The following MDGA2 variants were observed in gnomAD, a reference collection of about 807,000 sequenced individuals.
The protein encoded by MDGA2 is MAM domain-containing glycosylphosphatidylinositol anchor protein 2.
A neutral mutation model predicts 117.8 loss-of-function variants in MDGA2; 40 were observed. The ratio of observed to expected loss-of-function variants is 0.34; its 90% CI spans 0.26 to 0.44. The LOEUF is 0.44. Among genes scored for constraint, MDGA2 ranks in the 20% least tolerant of loss-of-function variants. The pLI, the probability that MDGA2 is intolerant of heterozygous loss-of-function variation, is 1.00. For missense variants in MDGA2, 1,123 were observed against 1,250.6 expected, an observed-to-expected ratio of 0.90 and a Z score of 1.54; for synonymous variants, 452 against 439.0, an observed-to-expected ratio of 1.03 and a Z score of -0.37.
At chr14:47,302,675 GA>G (rs1889321754) in intron 1 of MDGA2, among the ~76,000 whole-genome samples, 1 of 151,818 alleles carries the variant, frequency 6.6e-6, no homozygotes, top group South Asian at 2.1e-4. Context: ...TTCTATGGAA[GA>G]AAAAAAGATT....
rs201902204 is a variant in MDGA2 at position 47,127,864 on chromosome 14, A to T, written c.925+3850T>A. 2.0e-5 allele frequency among the ~76,000 whole-genome samples: 3 copies of T among 152,198 alleles called. No homozygotes were observed. In the East Asian group the frequency reaches 5.8e-4, roughly 29 times the overall value. On this transcript the variant is annotated intron_variant, in intron 5 of 16. Coordinates refer to ENST00000399232, the MANE Select transcript of MDGA2 (RefSeq NM_001113498.3). ...TACTTTAAAAGATCTCAGGAATTCT[A>T]TCACTTTTCCTGGTAATCTTCCCCT...
intron 1 of MDGA2, among the ~76,000 whole-genome samples, chr14:47,480,903 C>T (rs1017101125): frequency 1.3e-5 from 2 of 151,728 alleles, no homozygotes; most frequent in Non-Finnish European, 2.9e-5. Context: ...GGGAGAAGCA[C>T]CCTGGAGAAT....
At chr14:47,462,396 A>G (rs1893509747) in intron 1 of MDGA2, among the ~76,000 whole-genome samples, 1 of 151,302 alleles carries the variant, frequency 6.6e-6, no homozygotes, top group Non-Finnish European at 1.5e-5. Context: ...AAAAAAAGAA[A>G]GAAAAAAAAG....
chr14:47,371,539 A>C (rs1484479779), intron 1 of MDGA2, among the ~76,000 whole-genome samples: 2 of 151,830 alleles, frequency 1.3e-5, no homozygotes, highest in African/African-American at 4.8e-5. Context: ...GAAGCACAGA[A>C]CCAGTTAAAT....
At chr14:47,388,645 C>T (rs1891814506) in intron 1 of MDGA2, among the ~76,000 whole-genome samples, 1 of 152,138 alleles carries the variant, frequency 6.6e-6, no homozygotes, top group African/African-American at 2.4e-5. Flanking sequence ...CAAGTAGCAT[C>T]TTGAACAGAT....
chr14:47,625,851 TCTTAAC>T (rs1897130003), intron 1 of MDGA2, among the ~76,000 whole-genome samples: 1 of 152,208 alleles, frequency 6.6e-6, no homozygotes, highest in African/African-American at 2.4e-5. Flanking sequence ...AAGGAAAAAT[TCTTAAC>T]CTTAATCTCA....
intron 6 of MDGA2, among the ~76,000 whole-genome samples, chr14:47,069,901 T>C (rs1393706641): frequency 2.6e-5 from 4 of 152,218 alleles, no homozygotes; most frequent in Non-Finnish European, 5.9e-5. Flanking sequence ...TTATGTAAAT[T>C]ATCTTAATTG....
Position 47,239,878 on chromosome 14 carries a change from CA to C in MDGA2, c.421-21684del, listed in dbSNP as rs1036648637. Reference sequence around the variant, plus strand: ...AATTTTATATCTTTTTTTAGGCATACATTTTTTTCCCAGAGTTTAGTAGCAA... The same window carrying C: ...AATTTTATATCTTTTTTTAGGCATACTTTTTTTCCCAGAGTTTAGTAGCAA... On this transcript the variant is annotated intron_variant, in intron 2 of 16. Coordinates refer to ENST00000399232, the MANE Select transcript of MDGA2 (RefSeq NM_001113498.3). 5.3e-5 allele frequency among the ~76,000 whole-genome samples: 8 copies of C among 151,700 alleles called. 1 individual carries two copies. Among genetic ancestry groups the C allele is most frequent in the Non-Finnish European group, 1.2e-4 (8 of 67,798 alleles).
In MDGA2 at chr14:46,841,500, G is replaced by A. The variant is rs1332308530; in HGVS notation, c.*431C>T. The A allele has an allele frequency of 1.3e-5, 2 of 153,066 alleles. No homozygotes were observed. Among genetic ancestry groups the A allele is most frequent in the Non-Finnish European group, 2.9e-5 (2 of 68,470 alleles). The allele number at this position is 153,066 out of a possible 1,614,324, so 9.5% of individuals were successfully genotyped here. On this transcript the variant is annotated 3_prime_UTR_variant, in exon 17 of 17. Coordinates refer to ENST00000399232, the MANE Select transcript of MDGA2 (RefSeq NM_001113498.3). ...CAGCTCTTCACGTACCCTGTTTACAGTGAGGTTTTTGTTGGCAGGCCATTA... is the reference window on the plus strand; with the variant it reads ...CAGCTCTTCACGTACCCTGTTTACAATGAGGTTTTTGTTGGCAGGCCATTA...
chr14:46,868,540 G>A (rs1343971749), intron 14 of MDGA2, among the ~76,000 whole-genome samples: 2 of 151,784 alleles, frequency 1.3e-5, no homozygotes, highest in African/African-American at 4.8e-5. Context: ...AAGCCAGAGG[G>A]GCATATATCC....
chr14:47,321,505 A>G (rs1889977637), intron 1 of MDGA2, among the ~76,000 whole-genome samples: 1 of 152,182 alleles, frequency 6.6e-6, no homozygotes, highest in African/African-American at 2.4e-5. Context: ...TCAACATTCA[A>G]TGCCAGTTGT....
chr14:47,360,735 G>C (rs79866094), intron 1 of MDGA2, among the ~76,000 whole-genome samples: 2 of 152,058 alleles, frequency 1.3e-5, no homozygotes, highest in Non-Finnish European at 2.9e-5. Flanking sequence ...ATACCCAAAG[G>C]AAATGAAATC....
chr14:47,617,422 T>C (rs1896966799), intron 1 of MDGA2, among the ~76,000 whole-genome samples: 2 of 152,098 alleles, frequency 1.3e-5, no homozygotes, highest in Non-Finnish European at 2.9e-5. Context: ...CAGGCTGCTC[T>C]TGAACTCCTG....
intron 2 of MDGA2, among the ~76,000 whole-genome samples, chr14:47,259,326 A>G (rs1301761942): frequency 6.6e-6 from 1 of 152,132 alleles, no homozygotes; most frequent in African/African-American, 2.4e-5. Flanking sequence ...TTCCTTAAAA[A>G]TATCCTTCTA....
intron 1 of MDGA2, among the ~76,000 whole-genome samples, chr14:47,519,613 GATT>G (rs1894827196): frequency 6.6e-6 from 1 of 152,108 alleles, no homozygotes; most frequent in African/African-American, 2.4e-5. Flanking sequence ...GTTTTTATTT[GATT>G]ATTTTGTCAG....
chr14:47,359,099 T>C (rs35406468), intron 1 of MDGA2, among the ~76,000 whole-genome samples: 25,360 of 152,196 alleles, frequency 0.17, 2,368 homozygotes, highest in East Asian at 0.44. Flanking sequence ...CTCACGCCTG[T>C]AATCCCAGCA....
At chr14:46,971,704 A>T (rs1886271383) in intron 8 of MDGA2, among the ~76,000 whole-genome samples, 1 of 152,110 alleles carries the variant, frequency 6.6e-6, no homozygotes, top group Admixed American at 6.6e-5. Flanking sequence ...GCTAAAAGAC[A>T]GGTATATAGT....
chr14:47,620,984 T>C (rs1566545237), intron 1 of MDGA2, among the ~76,000 whole-genome samples: 1 of 152,174 alleles, frequency 6.6e-6, no homozygotes, highest in Non-Finnish European at 1.5e-5. Context: ...ATCCAGCCAT[T>C]TACCTGTAAT....
At chr14:46,917,134 CAT>C (rs1175617703) in intron 10 of MDGA2, among the ~76,000 whole-genome samples, 2 of 151,406 alleles carry the variant, frequency 1.3e-5, no homozygotes, top group African/African-American at 2.4e-5. Context: ...GAATCAATAA[CAT>C]AGATCTTACA....
Sources: gnomAD v4.1 joint callset for allele counts (sites outside exome capture counted in the v4.1 genomes callset) on GRCh38, gnomAD v4.1.1 for gene constraint, MANE v1.5 for transcripts, NCBI Gene and HGNC (gene_info 2026-07-23, HGNC 2026-07-21) for gene names.